Variants in ST7L observed in about 807,000 individuals in gnomAD.
ST7L encodes the protein suppressor of tumorigenicity 7 protein-like.
In ST7L, 57 loss-of-function variants were observed where a neutral mutation model predicts 72.5. The ratio of observed to expected loss-of-function variants is 0.79; its 90% CI spans 0.64 to 0.98. The LOEUF (loss-of-function observed/expected upper bound fraction) is 0.98, where lower values mean the gene tolerates loss of function less well. Among genes scored for constraint, ST7L ranks in the 50% least tolerant of loss-of-function variants. ST7L has a pLI of 0.00. For synonymous variants in ST7L, 221 were observed against 240.9 expected, an observed-to-expected ratio of 0.92 and a Z score of 0.77; for missense variants, 576 against 672.2, an observed-to-expected ratio of 0.86 and a Z score of 1.58.
At chr1:112,529,647 C>CAGGGA (rs1654036324) in intron 14 of ST7L, 1 of 149,800 alleles carries the variant, frequency 6.7e-6, no homozygotes, top group South Asian at 2.1e-4. Flanking sequence ...GTTAAGCAAC[C>CAGGGA]AGGGAAATGT....
At position 112,619,082 on chromosome 1, in the gene ST7L, G is replaced by A. The variant is rs1396028182; in HGVS notation, c.32C>T (p.Ala11Val). 1 of 1,613,472 alleles carries A rather than the reference G, an allele frequency of 6.2e-7. No individual in the cohort carries two copies. Among genetic ancestry groups the A allele is most frequent in the South Asian group, 1.1e-5 (1 of 91,078 alleles). The part of the protein sequence containing the change: MADRGGVGEA[A>V]AVGASPASVP... ...AGATGCAGGAGACGCTCCAACAGCT[G>A]CGGCTTCACCCACGCCGCCACGGTC... Residue 11 changes from alanine to valine, a missense_variant, in exon 1 of 15, where the codon GCA becomes GTA. By Grantham distance (64) the Ala-to-Val change is moderately conservative. Transcript: ENST00000358039.
chr1:112,599,073 A>AAAAAAATATATATATATATAT (rs1190968815), intron 4 of ST7L, among the ~76,000 whole-genome samples: 3 of 57,000 alleles, frequency 5.3e-5, no homozygotes, highest in East Asian at 9.3e-4. Flanking sequence ...AAAAAAAAAA[A>AAAAAAATATATATATATATAT]ATATATATAT....
chr1:112,577,693 C>T (rs958655056), intron 10 of ST7L, among the ~76,000 whole-genome samples: 4 of 152,160 alleles, frequency 2.6e-5, no homozygotes, highest in South Asian at 4.1e-4. Flanking sequence ...ATAAATGCAA[C>T]ACAGTGATAT....
intron 14 of ST7L, among the ~76,000 whole-genome samples, chr1:112,531,121 T>C (rs1034578068): frequency 3.9e-5 from 6 of 152,328 alleles, no homozygotes; most frequent in African/African-American, 1.4e-4. Context: ...TCCTAACTCT[T>C]ACTATTCTAT....
intron 13 of ST7L, among the ~76,000 whole-genome samples, chr1:112,546,268 G>A (rs752648325): frequency 5.4e-5 from 8 of 147,600 alleles, no homozygotes; most frequent in East Asian, 2.0e-4. Flanking sequence ...GCAGTGAGCC[G>A]TGACTGCACC....
chr1:112,519,444 G>GA (rs989660437), downstream of ST7L, among the ~76,000 whole-genome samples: 4 of 152,136 alleles, frequency 2.6e-5, no homozygotes, highest in African/African-American at 9.6e-5. Context: ...ATTAACCATG[G>GA]AAAAGCTTGG....
In ST7L at chr1:112,548,605, T is replaced by G. The variant is rs150205794; in HGVS notation, c.1489+1996A>C. Among the ~76,000 whole-genome samples the G allele has an allele frequency of 1.4e-3, 219 of 152,370 alleles. 1 individual carries two copies. The highest frequency in any genetic ancestry group is 5.0e-3 in the African/African-American group (206 of 41,590). On this transcript the variant is annotated intron_variant, in intron 13 of 14. Transcript: ENST00000358039. ...GTTTGATAGTTGTAAACCTGCAATT[T>G]TCCTTCCTAGACTTCAGTTTTAATG...
At chr1:112,609,429 G>A (rs1224106590) in intron 3 of ST7L, among the ~76,000 whole-genome samples, 1 of 151,956 alleles carries the variant, frequency 6.6e-6, no homozygotes. Flanking sequence ...TACTTGGGAG[G>A]CTGAGGAAGG....
intron 5 of ST7L, among the ~76,000 whole-genome samples, chr1:112,595,914 C>A (rs1329446910): frequency 6.6e-6 from 1 of 152,058 alleles, no homozygotes. Context: ...TTTCAAAATT[C>A]TTTTGGGAGA....
At chr1:112,597,242 T>C (rs1299373977) in intron 5 of ST7L, among the ~76,000 whole-genome samples, 3 of 152,144 alleles carry the variant, frequency 2.0e-5, no homozygotes, top group African/African-American at 7.2e-5. Context: ...GACTTTCAAT[T>C]TGGATAATGA....
chr1:112,598,595 T>TG (rs1553255495), intron 4 of ST7L, among the ~76,000 whole-genome samples: 44 of 132,486 alleles, frequency 3.3e-4, no homozygotes, highest in Non-Finnish European at 5.4e-4. Flanking sequence ...ATTTTTTAAC[T>TG]AAAAAAAAAA....
intron 2 of ST7L, among the ~76,000 whole-genome samples, chr1:112,615,226 AC>A (rs1669686105): frequency 6.6e-6 from 1 of 151,898 alleles, no homozygotes; most frequent in Non-Finnish European, 1.5e-5. Context: ...GAACTCTATC[AC>A]CCCACCTCGG....
At chr1:112,603,727 G>A (rs1667780915) in intron 3 of ST7L, among the ~76,000 whole-genome samples, 1 of 152,234 alleles carries the variant, frequency 6.6e-6, no homozygotes, top group South Asian at 2.1e-4. Context: ...GAGGCTAGAA[G>A]TCTGAGATCA....
At position 112,579,106 on chromosome 1, in the gene ST7L, C is replaced by T. The variant is rs1038527383; in HGVS notation, c.1070-689G>A. Among the ~76,000 whole-genome samples the T allele has an allele frequency of 4.6e-5, 7 of 151,982 alleles. 1 individual carries two copies. The highest frequency in any genetic ancestry group is 3.3e-4 in the Admixed American group (5 of 15,254). Reference sequence around the variant, plus strand: ...ATGTCTACAATAACCTGCTTATGGACGGGCGTGGTGGCTCATGCCTGTAAT... The same window carrying T: ...ATGTCTACAATAACCTGCTTATGGATGGGCGTGGTGGCTCATGCCTGTAAT... On this transcript the variant is annotated intron_variant, in intron 9 of 14. Coordinates refer to ENST00000358039, the MANE Select transcript of ST7L (RefSeq NM_017744.5).
At chr1:112,596,832 T>A (rs1477752696) in intron 5 of ST7L, among the ~76,000 whole-genome samples, 1 of 152,136 alleles carries the variant, frequency 6.6e-6, no homozygotes, top group Non-Finnish European at 1.5e-5. Flanking sequence ...AGACGGGGTT[T>A]TACCATGTTG....
At chr1:112,576,541 A>T (rs1663135280) in intron 11 of ST7L, among the ~76,000 whole-genome samples, 1 of 152,188 alleles carries the variant, frequency 6.6e-6, no homozygotes, top group African/African-American at 2.4e-5. Context: ...GAATTTCCAC[A>T]TCTGCCTCCT....
chr1:112,605,680 ACT>A (rs1668132324), intron 3 of ST7L, among the ~76,000 whole-genome samples: 2 of 151,390 alleles, frequency 1.3e-5, no homozygotes, highest in African/African-American at 4.9e-5. Context: ...ACAGAGCAAG[ACT>A]CTGTCTCAAA....
intron 11 of ST7L, among the ~76,000 whole-genome samples, chr1:112,563,675 T>A (rs1250903484): frequency 6.6e-6 from 1 of 152,150 alleles, no homozygotes; most frequent in Non-Finnish European, 1.5e-5. Context: ...ACTAAAAATA[T>A]AATTATTAAG....
chr1:112,570,932 G>C (rs993987886), intron 11 of ST7L, among the ~76,000 whole-genome samples: 1 of 152,132 alleles, frequency 6.6e-6, no homozygotes, highest in Non-Finnish European at 1.5e-5. Context: ...CACTTAGCGG[G>C]GCCGAGGCAG....
Sources: allele counts gnomAD v4.1 joint callset (sites outside exome capture counted in the v4.1 genomes callset), GRCh38; gene constraint gnomAD v4.1.1; transcripts MANE v1.5; gene names NCBI Gene and HGNC (gene_info 2026-07-23, HGNC 2026-07-21).